ROCK2: variants seen among roughly 807,000 people sequenced by gnomAD.
ROCK2 encodes rho-associated protein kinase 2.
Under a neutral mutation model 195.1 loss-of-function variants are expected in ROCK2, and 61 were observed. The ratio of observed to expected loss-of-function variants is 0.31; its 90% CI spans 0.25 to 0.39. ROCK2 has a LOEUF of 0.39. ROCK2 is among the 10% of genes least tolerant of loss of function. ROCK2 has a pLI of 1.00. For synonymous variants in ROCK2, 504 were observed against 545.5 expected, an observed-to-expected ratio of 0.92 and a Z score of 1.06; for missense variants, 1,109 against 1,637.4, an observed-to-expected ratio of 0.68 and a Z score of 5.57.
rs1017394891 is a variant in ROCK2 at position 11,208,183 on chromosome 2, A to G, written c.2364+104T>C. On this transcript the variant is annotated intron_variant, in intron 19 of 32. Transcript: ENST00000315872. Reference sequence around the variant, plus strand: ...TAGTTAAACCAACAGGTTGCAGACTATTATAAGAAAAACTTTAAAATTATG... The same window carrying G: ...TAGTTAAACCAACAGGTTGCAGACTGTTATAAGAAAAACTTTAAAATTATG... 6 of 684,196 alleles carry G rather than the reference A, an allele frequency of 8.8e-6. No individual in the cohort carries two copies. In the African/African-American group the frequency reaches 1.1e-4, roughly 13 times the overall value. The allele number at this position is 684,196 out of a possible 1,614,324, so 42.4% of individuals were successfully genotyped here. A position where few individuals can be genotyped will look rare whatever the true frequency, so the allele number is the denominator to read the frequency against.
At chr2:11,217,301 T>C in intron 11 of ROCK2, 132 bp from the exon 12 acceptor site, 1 of 738,384 alleles carries the variant, frequency 1.4e-6, no homozygotes, top group Non-Finnish European at 2.5e-6. Flanking sequence ...ACAGTATTTG[T>C]ACCTCCTTAA....
chr2:11,321,153 A>G (rs921465685), intron 1 of ROCK2, among the ~76,000 whole-genome samples: 9 of 152,132 alleles, frequency 5.9e-5, no homozygotes, highest in Admixed American at 5.9e-4. Flanking sequence ...TACCGGCATA[A>G]CAAAGCAAGG....
rs555027437 is a variant in ROCK2 at position 11,235,352 on chromosome 2, G to C, written c.723+350C>G. On this transcript the variant is annotated intron_variant, in intron 5 of 32. Coordinates refer to ENST00000315872, the MANE Select transcript of ROCK2 (RefSeq NM_004850.5). This position sits in a 1 kb window ranked among gnomAD's most constrained non-coding sequence, Gnocchi z 4.2. The stretch of plus-strand genomic sequence containing the variant: ...AAAAAATGCAGAAGTAACAATGGTG[G>C]TGAAAATACCTATTTACCTTAATTT... 3.3e-5 allele frequency among the ~76,000 whole-genome samples: 5 copies of C among 152,224 alleles called. No homozygotes were observed. In the South Asian group the frequency reaches 1.0e-3, roughly 32 times the overall value.
intron 1 of ROCK2, among the ~76,000 whole-genome samples, chr2:11,317,635 C>G: frequency 7.9e-5 from 2 of 25,174 alleles, no homozygotes; most frequent in African/African-American, 1.2e-4. Flanking sequence ...TTTAATTATA[C>G]TTTAAGTTCT....
chr2:11,295,775 G>T (rs1399715623), intron 1 of ROCK2, among the ~76,000 whole-genome samples: 1 of 151,978 alleles, frequency 6.6e-6, no homozygotes, highest in South Asian at 2.1e-4. Flanking sequence ...TGGCCAACAT[G>T]GTGAAACCCC....
chr2:11,235,447 A>G lies in ROCK2; in HGVS notation c.723+255T>C, dbSNP rs1330612243. The stretch of plus-strand genomic sequence containing the variant: ...TTTGATTGGTAGCAAATGCTTGTCA[A>G]CAGTCTATGAGGAAGATAACTAAGC... On this transcript the variant is annotated intron_variant, in intron 5 of 32. Coordinates refer to ENST00000315872, the MANE Select transcript of ROCK2 (RefSeq NM_004850.5). The surrounding 1 kb of genome is among the most constrained non-coding windows in gnomAD (Gnocchi z 4.2). Among the ~76,000 whole-genome samples, 2 of 152,188 alleles carry G rather than the reference A, an allele frequency of 1.3e-5. No homozygotes were observed. The highest frequency in any genetic ancestry group is 4.8e-5 in the African/African-American group (2 of 41,454).
At chr2:11,187,621 A>T (rs1663245541) in intron 32 of ROCK2, among the ~76,000 whole-genome samples, 1 of 152,126 alleles carries the variant, frequency 6.6e-6, no homozygotes, top group Non-Finnish European at 1.5e-5. Context: ...TTTCTCAATG[A>T]TTTATAAGAA....
In ROCK2 at chr2:11,201,916, A is replaced by G. The variant is rs558328399; in HGVS notation, c.2619+136T>C. The G allele has an allele frequency of 1.3e-5, 8 of 635,876 alleles. No homozygotes were observed. The South Asian group carries it at 1.7e-4, about 14-fold the overall frequency. The allele number at this position is 635,876 out of a possible 1,614,324, so 39.4% of individuals were successfully genotyped here. A position where few individuals can be genotyped will look rare whatever the true frequency, so the allele number is the denominator to read the frequency against. ...TTGTGCTTAGAATTATTTTTCTAGC[A>G]ATGATAATAAATTTCTCTTAAACTA... On this transcript the variant is annotated intron_variant, in intron 21 of 32. Coordinates refer to ENST00000315872, the MANE Select transcript of ROCK2 (RefSeq NM_004850.5). The surrounding 1 kb of genome is among the most constrained non-coding windows in gnomAD (Gnocchi z 4.6).
At chr2:11,303,058 G>A (rs1327993655) in intron 1 of ROCK2, among the ~76,000 whole-genome samples, 1 of 152,108 alleles carries the variant, frequency 6.6e-6, no homozygotes, top group African/African-American at 2.4e-5. Context: ...CCAAGGCTGA[G>A]TGCTAAGCAT....
intron 1 of ROCK2, among the ~76,000 whole-genome samples, chr2:11,295,990 GGAGAGAGAGAGAGAGGA>G (rs1667510135): frequency 3.5e-5 from 1 of 28,394 alleles, no homozygotes; most frequent in Non-Finnish European, 9.1e-5. Flanking sequence ...GAGAGAGAGA[GGAGAGAGAGAGAGAGGA>G]GAGAGAGAGA....
Position 11,191,705 on chromosome 2 carries a change from G to T in ROCK2, c.4163+443C>A, listed in dbSNP as rs184720492. 1.6e-3 allele frequency among the ~76,000 whole-genome samples: 245 copies of T among 152,016 alleles called. 1 individual carries two copies. Among genetic ancestry groups the T allele is most frequent in the African/African-American group, 5.3e-3 (218 of 41,518 alleles). On this transcript the variant is annotated intron_variant, in intron 32 of 32. Transcript: ENST00000315872. Reference sequence around the variant, plus strand: ...CAGTAAGTCCTCACTGGACATCATCGACAGGTTCTTGGAAAGTATGACTTT... The same window carrying T: ...CAGTAAGTCCTCACTGGACATCATCTACAGGTTCTTGGAAAGTATGACTTT...
At chr2:11,315,381 C>A (rs999507404) in intron 1 of ROCK2, among the ~76,000 whole-genome samples, 1 of 151,546 alleles carries the variant, frequency 6.6e-6, no homozygotes, top group African/African-American at 2.4e-5. Context: ...TCTTATGCTA[C>A]AATGTTAGGG....
chr2:11,278,805 G>T (rs187608558), intron 3 of ROCK2, among the ~76,000 whole-genome samples: 7 of 152,166 alleles, frequency 4.6e-5, no homozygotes, highest in Non-Finnish European at 5.9e-5. Flanking sequence ...GTAGAGACGG[G>T]GTTTTGCCAT....
intron 4 of ROCK2, among the ~76,000 whole-genome samples, chr2:11,248,716 A>C (rs1665716270): frequency 1.9e-5 from 1 of 53,760 alleles, no homozygotes; most frequent in Non-Finnish European, 6.0e-5. Flanking sequence ...CTCAAAAAAA[A>C]AAAAAAAAAA....
intron 3 of ROCK2, among the ~76,000 whole-genome samples, chr2:11,274,848 G>A (rs930632461): frequency 1.3e-5 from 2 of 152,048 alleles, no homozygotes; most frequent in Admixed American, 1.3e-4. Context: ...AGACCCCAGT[G>A]GTTACCTGAA....
chr2:11,213,875 C>A (rs1664334083), intron 17 of ROCK2, among the ~76,000 whole-genome samples: 1 of 152,134 alleles, frequency 6.6e-6, no homozygotes, highest in African/African-American at 2.4e-5. Flanking sequence ...TTATTCAAGG[C>A]AAGGACTGCA....
intron 4 of ROCK2, 55 bp downstream of exon 4, chr2:11,249,606 A>C: frequency 7.5e-7 from 1 of 1,328,462 alleles, no homozygotes; most frequent in Non-Finnish European, 9.9e-7. Context: ...CAACTCATGA[A>C]TAATAAAGCA....
At chr2:11,275,888 T>C (rs1165691966) in intron 3 of ROCK2, among the ~76,000 whole-genome samples, 3 of 152,024 alleles carry the variant, frequency 2.0e-5, no homozygotes, top group Non-Finnish European at 4.4e-5. Context: ...TTAGAAGAGA[T>C]GGGGTTTCAC....
intron 1 of ROCK2, among the ~76,000 whole-genome samples, chr2:11,312,294 A>G (rs72789528): frequency 1.3e-5 from 2 of 152,116 alleles, no homozygotes; most frequent in Admixed American, 1.3e-4. Flanking sequence ...ACTGACGTAC[A>G]ATAAAAGCAC....
Sources: gnomAD v4.1 joint callset for allele counts (sites outside exome capture counted in the v4.1 genomes callset) on GRCh38, gnomAD v4.1.1 for gene constraint, Gnocchi (gnomAD v3.1) non-coding constraint, MANE v1.5 for transcripts, NCBI Gene and HGNC (gene_info 2026-07-23, HGNC 2026-07-21) for gene names.